Variants in C8orf34 observed in about 807,000 individuals in gnomAD.
The protein encoded by C8orf34 is uncharacterized protein C8orf34.
C8orf34 carries 65 observed loss-of-function variants against 68.3 expected under a neutral mutation model. The ratio of observed to expected loss-of-function variants is 0.95; its 90% CI spans 0.78 to 1.17. C8orf34 has a LOEUF of 1.17. C8orf34 is among the 50% of genes most tolerant of loss of function. The probability of loss-of-function intolerance (pLI) is 0.00; values close to 1 mark genes in which losing one functional copy is unlikely to be tolerated. For synonymous variants in C8orf34, 244 were observed against 241.2 expected (o/e 1.01, Z -0.11); for missense variants, 664 against 655.4 (o/e 1.01, Z -0.14).
chr8:68,805,254 C>T (rs761479711), intron 12 of C8orf34, among the ~76,000 whole-genome samples: 7 of 152,188 alleles, frequency 4.6e-5, no homozygotes, highest in East Asian at 1.9e-4. Context: ...AAATGACCAG[C>T]TTTGGGCAAA....
chr8:68,716,217 A>G (rs554026406), intron 9 of C8orf34, among the ~76,000 whole-genome samples: 2 of 152,282 alleles, frequency 1.3e-5, no homozygotes, highest in African/African-American at 4.8e-5. Context: ...TACAGTGTAC[A>G]CTGCTCCAGT....
At chr8:68,543,933 C>A (rs1437141369) in intron 7 of C8orf34, among the ~76,000 whole-genome samples, 2 of 152,124 alleles carry the variant, frequency 1.3e-5, no homozygotes, top group Admixed American at 1.3e-4. Flanking sequence ...GGGAAATAAA[C>A]AAGGTGAGCT....
rs557381701 is a variant in C8orf34 at position 68,459,453 on chromosome 8, G to A, written c.608-9239G>A. On this transcript the variant is annotated intron_variant, in intron 3 of 13. Coordinates refer to ENST00000518698, the MANE Select transcript of C8orf34 (RefSeq NM_052958.4). Reference sequence around the variant, plus strand: ...TCTCCATGTTGGCCAGGCTGGTCTCGAGCTCCTGACCTCGTGATCCACCCT... The same window carrying A: ...TCTCCATGTTGGCCAGGCTGGTCTCAAGCTCCTGACCTCGTGATCCACCCT... 9.2e-5 allele frequency among the ~76,000 whole-genome samples: 14 copies of A among 152,054 alleles called. No individual in the cohort carries two copies. The East Asian group carries it at 1.2e-3, about 13-fold the overall frequency.
intron 1 of C8orf34, among the ~76,000 whole-genome samples, chr8:68,412,677 T>G (rs1303342372): frequency 6.6e-6 from 1 of 152,148 alleles, no homozygotes; most frequent in Non-Finnish European, 1.5e-5. Flanking sequence ...ACAGCGATTT[T>G]TACCTTATTT....
chr8:68,558,918 G>A (rs1376067537), intron 7 of C8orf34, among the ~76,000 whole-genome samples: 3 of 152,142 alleles, frequency 2.0e-5, no homozygotes, highest in African/African-American at 7.2e-5. Context: ...TTAAAAGTAT[G>A]TACAAAGTAA....
At chr8:68,443,335 G>A (rs1251692746) in intron 2 of C8orf34, among the ~76,000 whole-genome samples, 1 of 152,034 alleles carries the variant, frequency 6.6e-6, no homozygotes, top group East Asian at 1.9e-4. Context: ...ATTGAATGAT[G>A]GTAAATAATG....
At chr8:68,562,437 C>A (rs1323246794) in intron 7 of C8orf34, among the ~76,000 whole-genome samples, 1 of 152,110 alleles carries the variant, frequency 6.6e-6, no homozygotes, top group East Asian at 1.9e-4. Flanking sequence ...ATCATTTCTG[C>A]AGTTTGACTC....
chr8:68,798,840 A>G lies in C8orf34; in HGVS notation c.1549+11304A>G, dbSNP rs146501672. Among the ~76,000 whole-genome samples the G allele has an allele frequency of 5.1e-4, 78 of 152,354 alleles. 1 individual carries two copies. Among genetic ancestry groups the G allele is most frequent in the African/African-American group, 1.8e-3 (74 of 41,582 alleles). On this transcript the variant is annotated intron_variant, in intron 12 of 13. Transcript: ENST00000518698. ...TTGATTCCTAAGGCCCTAGAAAAAA[A>G]TTTAAAGAGTAACATTTAGTAACAT...
chr8:68,357,600 T>A (rs192010082), intron 1 of C8orf34, among the ~76,000 whole-genome samples: 3 of 152,196 alleles, frequency 2.0e-5, no homozygotes, highest in Non-Finnish European at 4.4e-5. Flanking sequence ...TATTTTTGGA[T>A]AAATTTTGTG....
chr8:68,507,410 A>T (rs972838482), intron 5 of C8orf34, among the ~76,000 whole-genome samples: 3 of 152,224 alleles, frequency 2.0e-5, no homozygotes, highest in African/African-American at 7.2e-5. Context: ...CAGATTAAAC[A>T]CTACCATTAG....
At position 68,489,096 on chromosome 8, in the gene C8orf34, G is replaced by T. The variant is rs1380841707; in HGVS notation, c.765+1045G>T. On this transcript the variant is annotated intron_variant, in intron 5 of 13. Transcript: ENST00000518698. ...AAGATGTTAGTAAGAAATTTGCATT[G>T]TTTACATTTTGAAAATCTCTTTAAT... Among the ~76,000 whole-genome samples the T allele has an allele frequency of 2.0e-5, 3 of 151,874 alleles. No homozygotes were observed. In the East Asian group the frequency reaches 5.8e-4, roughly 29 times the overall value.
chr8:68,804,884 ACT>A (rs1437493116), intron 12 of C8orf34, among the ~76,000 whole-genome samples: 1 of 152,186 alleles, frequency 6.6e-6, no homozygotes, highest in Non-Finnish European at 1.5e-5. Context: ...CTCAATTTTT[ACT>A]CTCTTCCATT....
intron 1 of C8orf34, among the ~76,000 whole-genome samples, chr8:68,346,300 T>TTTAG (rs1806280893): frequency 6.7e-6 from 1 of 148,482 alleles, no homozygotes; most frequent in African/African-American, 2.5e-5. Context: ...ATCATATTGT[T>TTTAG]AGGATTTAGG....
chr8:68,450,993 GT>G (rs1811320713), intron 3 of C8orf34, among the ~76,000 whole-genome samples: 1 of 152,126 alleles, frequency 6.6e-6, no homozygotes, highest in South Asian at 2.1e-4. Context: ...TTGACAATCT[GT>G]TTTTTAGTGT....
chr8:68,706,577 T>A (rs1459580547), intron 8 of C8orf34, among the ~76,000 whole-genome samples: 2 of 152,178 alleles, frequency 1.3e-5, no homozygotes, highest in Admixed American at 6.5e-5. Flanking sequence ...GGTGAATTTG[T>A]TTTCGGAGAC....
chr8:68,723,778 T>C lies in C8orf34; in HGVS notation c.1404+2341T>C, dbSNP rs143205706. 9.6e-4 allele frequency among the ~76,000 whole-genome samples: 146 copies of C among 152,252 alleles called. 1 individual carries two copies. The East Asian group carries it at 0.027, about 28-fold the overall frequency. On this transcript the variant is annotated intron_variant, in intron 10 of 13. Transcript: ENST00000518698. The stretch of plus-strand genomic sequence containing the variant: ...ATATATCCTGTCTTTAGTATTTGGC[T>C]TCCTTAATAATACATAAAAATGCAA...
intron 1 of C8orf34, among the ~76,000 whole-genome samples, chr8:68,362,676 T>C (rs1473689770): frequency 6.6e-6 from 1 of 152,088 alleles, no homozygotes; most frequent in African/African-American, 2.4e-5. Flanking sequence ...GACCTGCAGC[T>C]GAGGGTCCTG....
intron 12 of C8orf34, among the ~76,000 whole-genome samples, chr8:68,787,787 A>C (rs1407468489): frequency 6.6e-6 from 1 of 152,200 alleles, no homozygotes; most frequent in Non-Finnish European, 1.5e-5. Flanking sequence ...AGACCAACAT[A>C]GACTGTCTAG....
chr8:68,642,470 T>C (rs1472074868), intron 8 of C8orf34, among the ~76,000 whole-genome samples: 1 of 152,184 alleles, frequency 6.6e-6, no homozygotes, highest in Non-Finnish European at 1.5e-5. Flanking sequence ...TTTGGAGCTT[T>C]ATATATTAGT....
Sources: gnomAD v4.1 joint callset for allele counts (sites outside exome capture counted in the v4.1 genomes callset) on GRCh38, gnomAD v4.1.1 for gene constraint, MANE v1.5 for transcripts, NCBI Gene and HGNC (gene_info 2026-07-23, HGNC 2026-07-21) for gene names.